TOB2: variants seen among roughly 807,000 people sequenced by gnomAD.
The protein encoded by TOB2 is transducer of ERBB2, 2.
A neutral mutation model predicts 17.3 loss-of-function variants in TOB2; 3 were observed. The ratio of observed to expected loss-of-function variants is 0.17; its 90% CI spans 0.08 to 0.45. TOB2 has a LOEUF of 0.45. Among genes scored for constraint, TOB2 ranks in the 20% least tolerant of loss-of-function variants. The probability of loss-of-function intolerance (pLI) is 0.99; values close to 1 mark genes in which losing one functional copy is unlikely to be tolerated. For synonymous variants in TOB2, 163 were observed against 185.6 expected (o/e 0.88, Z 0.99); for missense variants, 407 against 445.7 (o/e 0.91, Z 0.78).
In TOB2 at chr22:41,437,303, A is replaced by G; in HGVS notation, c.43T>C (p.Tyr15His). 6.2e-7 allele frequency: 1 copy of G among 1,614,034 alleles called. No homozygotes were observed. The highest frequency in any genetic ancestry group is 8.5e-7 in the Non-Finnish European group (1 of 1,180,000). Reference sequence around the variant, plus strand: ...CGCCGGGGCAGCTTGTTGTACAAGTAGGAGATGATGAAGTTCAGGGCCACT... The same window carrying G: ...CGCCGGGGCAGCTTGTTGTACAAGTGGGAGATGATGAAGTTCAGGGCCACT... ...IKVALNFIISYLYNKLPRRRA... is the reference protein window; with the variant it reads ...IKVALNFIISHLYNKLPRRRA... The change falls in exon 2 of 2, where the codon TAC becomes CAC. Residue 15 changes from tyrosine (Y) to histidine (H), a missense_variant. Coordinates refer to ENST00000327492, the MANE Select transcript of TOB2 (RefSeq NM_016272.4).
chr22:41,445,268 A>C (rs978272399), intron 1 of TOB2, among the ~76,000 whole-genome samples: 106 of 152,320 alleles, frequency 7.0e-4, no homozygotes, highest in Non-Finnish European at 1.4e-3. Flanking sequence ...TCCCATTGCA[A>C]GGTCTGCTTT....
At chr22:41,438,803 C>T (rs1470621691) in intron 1 of TOB2, among the ~76,000 whole-genome samples, 8 of 151,952 alleles carry the variant, frequency 5.3e-5, no homozygotes, top group Non-Finnish European at 1.2e-4. Flanking sequence ...TCTGTAGTTT[C>T]TGGTGAGAAT....
chr22:41,434,789 G>A lies in TOB2; in HGVS notation c.*1522C>T, dbSNP rs1321956086. On this transcript the variant is annotated 3_prime_UTR_variant, in exon 2 of 2. Coordinates refer to ENST00000327492, the MANE Select transcript of TOB2 (RefSeq NM_016272.4). ...ATGCTTGCCTGGCCTCCTAGAGTTGGAGGAACAAGCCCTCTCCTGGCAGAG... is the reference window on the plus strand; with the variant it reads ...ATGCTTGCCTGGCCTCCTAGAGTTGAAGGAACAAGCCCTCTCCTGGCAGAG... The A allele has an allele frequency of 6.6e-6, 1 of 152,540 alleles. No homozygotes were observed. 9.4% of individuals were successfully genotyped at this position (152,540 alleles called of 1,614,324 possible). A position where few individuals can be genotyped will look rare whatever the true frequency, so the allele number is the denominator to read the frequency against.
In TOB2 at chr22:41,437,158, A is replaced by G. The variant is rs2037563113; in HGVS notation, c.188T>C (p.Met63Thr). The G allele has an allele frequency of 6.2e-7, 1 of 1,613,964 alleles. No individual in the cohort carries two copies. Among genetic ancestry groups the G allele is most frequent in the Non-Finnish European group, 8.5e-7 (1 of 1,180,026 alleles). The part of the protein sequence containing the change: ...SGFRCVHIGE[M>T]VDPVVELAAK... ...GGCCAGCTCCACCACGGGGTCCACC[A>G]TCTCCCCAATGTGAACACAGCGGAA... is the stretch of plus-strand genomic sequence containing the variant. Residue 63 changes from methionine (M) to threonine (T), a missense_variant, in exon 2 of 2, where the codon ATG becomes ACG. Physicochemically the swap from Met to Thr is moderately conservative, Grantham distance 81 (BLOSUM62 -1). Transcript: ENST00000327492.
At chr22:41,446,153 G>C (rs915487891) in intron 1 of TOB2, among the ~76,000 whole-genome samples, 5 of 152,212 alleles carry the variant, frequency 3.3e-5, no homozygotes, top group Admixed American at 6.5e-5. Flanking sequence ...GGAGAAAAAG[G>C]AGCTCTTGGG....
chr22:41,441,809 G>C (rs551678992), intron 1 of TOB2, among the ~76,000 whole-genome samples: 35 of 151,890 alleles, frequency 2.3e-4, no homozygotes, highest in Non-Finnish European at 4.6e-4. Context: ...TACTCAGGAG[G>C]CTGAGGCAGG....
chr22:41,443,398 C>T (rs921860719), intron 1 of TOB2, among the ~76,000 whole-genome samples: 11 of 152,154 alleles, frequency 7.2e-5, no homozygotes, highest in African/African-American at 1.4e-4. Flanking sequence ...TGGCTCACTG[C>T]AACCTCCGCC....
chr22:41,443,889 G>C (rs1313812599), intron 1 of TOB2, among the ~76,000 whole-genome samples: 1 of 152,154 alleles, frequency 6.6e-6, no homozygotes, highest in East Asian at 1.9e-4. Flanking sequence ...GCCTCCCAAA[G>C]TGCTGGGATT....
rs1267400210 is a variant in TOB2, at chr22:41,437,292, G to A, written c.54C>T (p.Asn18=). 1.9e-6 allele frequency: 3 copies of A among 1,614,010 alleles called. No individual in the cohort carries two copies. In the African/African-American group the frequency reaches 4.0e-5, roughly 22 times the overall value. ...GGTCTGCCCGGCGCCGGGGCAGCTT[G>A]TTGTACAAGTAGGAGATGATGAAGT... ...ALNFIISYLY[N]KLPRRRADLF... The change falls in exon 2 of 2, where the codon AAC becomes AAT. Residue 18 remains asparagine, a synonymous_variant. Coordinates refer to ENST00000327492, the MANE Select transcript of TOB2 (RefSeq NM_016272.4).
chr22:41,437,465 T>G, intron 1 of TOB2, 58 bp from the exon 2 acceptor site: 1 of 1,493,682 alleles, frequency 6.7e-7, no homozygotes, highest in Non-Finnish European at 8.9e-7. Flanking sequence ...GACCAACAGC[T>G]AGGGATAGAC....
At chr22:41,439,139 T>G (rs2037586794) in intron 1 of TOB2, among the ~76,000 whole-genome samples, 1 of 152,108 alleles carries the variant, frequency 6.6e-6, no homozygotes. Flanking sequence ...AAAGGGCAGC[T>G]CCGGGGCTCA....
At chr22:41,438,124 G>C (rs371788229) in intron 1 of TOB2, among the ~76,000 whole-genome samples, 19 of 152,140 alleles carry the variant, frequency 1.2e-4, no homozygotes, top group African/African-American at 4.6e-4. Context: ...GCAATATCTT[G>C]GTGAAGTCGT....
chr22:41,437,985 T>G (rs2146031330), intron 1 of TOB2, among the ~76,000 whole-genome samples: 3 of 150,564 alleles, frequency 2.0e-5, no homozygotes, highest in Admixed American at 2.0e-4. Flanking sequence ...AAGCTACTAT[T>G]TTAAAGTAAT....
intron 1 of TOB2, among the ~76,000 whole-genome samples, 192 bp downstream of exon 1, chr22:41,446,187 G>A (rs2037684842): frequency 6.6e-6 from 1 of 152,240 alleles, no homozygotes; most frequent in Non-Finnish European, 1.5e-5. Flanking sequence ...CAGATGGCGT[G>A]AGAAGAGGAG....
Position 41,436,487 on chromosome 22 carries a change from C to T in TOB2, c.859G>A (p.Gly287Arg), listed in dbSNP as rs377588134. The T allele has an allele frequency of 4.7e-5, 76 of 1,613,882 alleles. No individual in the cohort carries two copies. Among genetic ancestry groups the T allele is most frequent in the Non-Finnish European group, 6.1e-5 (72 of 1,179,936 alleles). ...TTGCAGGTGCCAGCCCCACTGCCTC[C>T]AAACGGGCCTGGGGTGCCGCTGCCC... is the stretch of plus-strand genomic sequence containing the variant. Reference protein sequence around the residue: ...GQGSGTPGPFGGSGAGTCNSS... With the variant: ...GQGSGTPGPFRGSGAGTCNSS... The change falls in exon 2 of 2, where the codon GGA (glycine) becomes AGA (arginine). Residue 287 changes from glycine to arginine, a missense_variant. Gly to Arg is a moderately radical substitution (Grantham distance 125). Transcript: ENST00000327492. This position sits in a 1 kb window ranked among gnomAD's most constrained non-coding sequence, Gnocchi z 4.8.
At chr22:41,443,097 A>C (rs1166330249) in intron 1 of TOB2, among the ~76,000 whole-genome samples, 6 of 152,240 alleles carry the variant, frequency 3.9e-5, no homozygotes, top group Non-Finnish European at 7.3e-5. Flanking sequence ...TACTTCCAGC[A>C]GCAAAGTTAA....
At chr22:41,441,958 T>C (rs1321310627) in intron 1 of TOB2, among the ~76,000 whole-genome samples, 1 of 151,184 alleles carries the variant, frequency 6.6e-6, no homozygotes, top group Non-Finnish European at 1.5e-5. Context: ...CCAGCATGAT[T>C]GCGGGTGCCT....
At position 41,436,196 on chromosome 22, in the gene TOB2, A is replaced by T. The variant is rs2037544437; in HGVS notation, c.*115T>A. 1 of 1,337,502 alleles carries T rather than the reference A, an allele frequency of 7.5e-7. No homozygotes were observed. Among genetic ancestry groups the T allele is most frequent in the African/African-American group, 1.5e-5 (1 of 67,872 alleles). 82.9% of individuals were successfully genotyped at this position (1,337,502 alleles called of 1,614,324 possible). On this transcript the variant is annotated 3_prime_UTR_variant, in exon 2 of 2. Coordinates refer to ENST00000327492, the MANE Select transcript of TOB2 (RefSeq NM_016272.4). This position sits in a 1 kb window ranked among gnomAD's most constrained non-coding sequence, Gnocchi z 4.8. ...TGGGCTGGATCTTTTTTCTAGAAGT[A>T]AGAGTGAGAAGATCGAAAATCTTTT... is the stretch of plus-strand genomic sequence containing the variant.
At chr22:41,442,094 C>CAAAAAAAAA (rs34651461) in intron 1 of TOB2, among the ~76,000 whole-genome samples, 1 of 105,898 alleles carries the variant, frequency 9.4e-6, no homozygotes, top group Non-Finnish European at 1.8e-5. Context: ...AATTCTGCCT[C>CAAAAAAAAA]AAAAAAAAAA....
Sources: gnomAD v4.1 joint callset for allele counts (sites outside exome capture counted in the v4.1 genomes callset) on GRCh38, gnomAD v4.1.1 for gene constraint, Gnocchi (gnomAD v3.1) non-coding constraint, MANE v1.5 for transcripts, NCBI Gene and HGNC (gene_info 2026-07-23, HGNC 2026-07-21) for gene names.